The following PLEKHA7 variants were observed in gnomAD, a reference collection of about 807,000 sequenced individuals.
PLEKHA7 encodes the protein pleckstrin homology domain containing A7.
PLEKHA7 carries 104 observed loss-of-function variants against 170.0 expected under a neutral mutation model. The observed-to-expected ratio is 0.61, with a 90% CI of 0.52 to 0.72. PLEKHA7 has a LOEUF of 0.72. PLEKHA7 is among the 30% of genes least tolerant of loss of function. The pLI, the probability that PLEKHA7 is intolerant of heterozygous loss-of-function variation, is 0.00. For missense variants in PLEKHA7, 1,615 were observed against 1,671.7 expected (o/e 0.97, Z 0.59); for synonymous variants, 648 against 660.8 (o/e 0.98, Z 0.30).
chr11:16,831,242 G>A (rs1331599740), intron 9 of PLEKHA7, among the ~76,000 whole-genome samples: 1 of 152,168 alleles, frequency 6.6e-6, no homozygotes, highest in Non-Finnish European at 1.5e-5. Context: ...CACCTTACCA[G>A]ACCTGAACAT....
At chr11:16,841,367 C>G (rs1391250146) in intron 9 of PLEKHA7, among the ~76,000 whole-genome samples, 180 bp downstream of exon 9, 1 of 152,070 alleles carries the variant, frequency 6.6e-6, no homozygotes, top group African/African-American at 2.4e-5. Context: ...GCTGTGGATC[C>G]CAGGGAGTCA....
chr11:16,886,900 T>C (rs1856150235), intron 3 of PLEKHA7, among the ~76,000 whole-genome samples: 1 of 152,050 alleles, frequency 6.6e-6, no homozygotes, highest in African/African-American at 2.4e-5. Context: ...TAAGAGGGAT[T>C]AGGGGCGTTA....
At chr11:16,945,827 C>A (rs1416934739) in intron 3 of PLEKHA7, among the ~76,000 whole-genome samples, 1 of 152,176 alleles carries the variant, frequency 6.6e-6, no homozygotes, top group Non-Finnish European at 1.5e-5. Context: ...GATCTGGGCC[C>A]AAGAAGTGGG....
chr11:16,985,747 G>C (rs1189399098), intron 3 of PLEKHA7, among the ~76,000 whole-genome samples: 2 of 152,258 alleles, frequency 1.3e-5, no homozygotes, highest in African/African-American at 4.8e-5. Context: ...TAATGAGGGA[G>C]AGACAGAGAG....
At chr11:17,007,708 G>T (rs1055739255) in intron 3 of PLEKHA7, among the ~76,000 whole-genome samples, 1 of 151,654 alleles carries the variant, frequency 6.6e-6, no homozygotes, top group African/African-American at 2.4e-5. Context: ...CTAATAGCTG[G>T]GACTATGGCC....
At chr11:16,929,235 G>A (rs1274732903) in intron 3 of PLEKHA7, among the ~76,000 whole-genome samples, 2 of 152,030 alleles carry the variant, frequency 1.3e-5, no homozygotes, top group South Asian at 2.1e-4. Context: ...AAAGTACATC[G>A]TCGCTAGGAT....
intron 3 of PLEKHA7, among the ~76,000 whole-genome samples, chr11:16,902,011 C>A (rs1490804141): frequency 6.6e-6 from 1 of 152,176 alleles, no homozygotes; most frequent in Non-Finnish European, 1.5e-5. Flanking sequence ...CAGCTCCAGC[C>A]CTAGGCAGCC....
rs1230523436 is a variant in PLEKHA7, at chr11:16,789,145, A to C, written c.3308T>G (p.Leu1103Arg). The C allele has an allele frequency of 6.2e-7, 1 of 1,610,294 alleles. No individual in the cohort carries two copies. Among genetic ancestry groups the C allele is most frequent in the African/African-American group, 1.3e-5 (1 of 74,948 alleles). ...RTLGQGERTG[L>R]PSSRYLSRPL... ...CCGGCTGAGGTAGCGAGATGAGGGC[A>C]GGCCCGTCCTCTCCCCTTGGCCCAG... is the stretch of plus-strand genomic sequence containing the variant. The change falls in exon 23 of 27, where the codon CTG (leucine) becomes CGG (arginine). Residue 1103 changes from leucine (L) to arginine (R), a missense_variant. Transcript: ENST00000531066. This position sits in a 1 kb window ranked among gnomAD's most constrained non-coding sequence, Gnocchi z 4.6.
At chr11:16,944,543 TAA>T (rs34484852) in intron 3 of PLEKHA7, among the ~76,000 whole-genome samples, 239 of 138,926 alleles carry the variant, frequency 1.7e-3, no homozygotes, top group African/African-American at 4.3e-3. Context: ...TTCTTCTCCT[TAA>T]AAAAAAAAAA....
intron 9 of PLEKHA7, among the ~76,000 whole-genome samples, chr11:16,831,565 C>T (rs901363135): frequency 7.2e-5 from 11 of 152,222 alleles, no homozygotes; most frequent in Non-Finnish European, 1.6e-4. Flanking sequence ...AAACCGGTCA[C>T]TGTTCAAAAA....
At chr11:16,991,611 CAT>C (rs1372710243) in intron 3 of PLEKHA7, among the ~76,000 whole-genome samples, 1 of 152,138 alleles carries the variant, frequency 6.6e-6, no homozygotes, top group African/African-American at 2.4e-5. Context: ...CTGCACTTCA[CAT>C]GTTTGAAAAA....
intron 3 of PLEKHA7, among the ~76,000 whole-genome samples, chr11:16,884,443 G>A (rs532412323): frequency 4.9e-4 from 74 of 152,322 alleles, no homozygotes; most frequent in African/African-American, 1.7e-3. Flanking sequence ...GACCAGCCTG[G>A]CCAACATGGT....
At chr11:16,862,963 AG>A (rs56176150) in intron 4 of PLEKHA7, among the ~76,000 whole-genome samples, 116,432 of 151,972 alleles carry the variant, frequency 0.77, 46,982 homozygotes, top group East Asian at 0.91. Flanking sequence ...AGCTGCAGAC[AG>A]CAAAGCATCA....
chr11:16,982,812 A>C (rs1863516224), intron 3 of PLEKHA7, among the ~76,000 whole-genome samples: 1 of 106,778 alleles, frequency 9.4e-6, no homozygotes, highest in African/African-American at 3.2e-5. Context: ...CACACGGAGA[A>C]AGAGAGACAG....
chr11:16,779,214 T>C (rs553040245), intron 26 of PLEKHA7, among the ~76,000 whole-genome samples, 194 bp from the exon 27 acceptor site: 3 of 151,602 alleles, frequency 2.0e-5, no homozygotes, highest in African/African-American at 7.2e-5. Flanking sequence ...TGCACCCCTA[T>C]TCCACTGCTA....
chr11:16,815,573 G>A (rs1376824824), intron 12 of PLEKHA7, among the ~76,000 whole-genome samples: 2 of 152,124 alleles, frequency 1.3e-5, no homozygotes, highest in East Asian at 3.9e-4. Context: ...CACCCAGGCT[G>A]GAGTGCAGCA....
rs565166498 is a variant in PLEKHA7, at chr11:16,840,694, G to A, written c.872+853C>T. On this transcript the variant is annotated intron_variant, in intron 9 of 26. Transcript: ENST00000531066. ...ACTGAAGTGCTATGGGAGCTCCAGA[G>A]AGTAGGGCCTGACTATACCCTGGCC... is the stretch of plus-strand genomic sequence containing the variant. 7.9e-5 allele frequency among the ~76,000 whole-genome samples: 12 copies of A among 152,324 alleles called. No homozygotes were observed. The East Asian group carries it at 1.9e-3, about 24-fold the overall frequency.
intron 6 of PLEKHA7, among the ~76,000 whole-genome samples, chr11:16,852,669 G>A (rs1307421858): frequency 6.6e-6 from 1 of 152,110 alleles, no homozygotes; most frequent in African/African-American, 2.4e-5. Flanking sequence ...TTGTTTGTTT[G>A]TTTCTTATTT....
chr11:16,932,576 C>T (rs1860021087), intron 3 of PLEKHA7, among the ~76,000 whole-genome samples: 1 of 152,234 alleles, frequency 6.6e-6, no homozygotes, highest in Non-Finnish European at 1.5e-5. Flanking sequence ...TGAGCTGCCA[C>T]ACCCCACCTG....
Sources: allele counts gnomAD v4.1 joint callset (sites outside exome capture counted in the v4.1 genomes callset), GRCh38; gene constraint gnomAD v4.1.1; non-coding constraint Gnocchi (gnomAD v3.1); transcripts MANE v1.5; gene names NCBI Gene and HGNC (gene_info 2026-07-23, HGNC 2026-07-21).